Variants in SDK1 observed in about 807,000 individuals in gnomAD.
SDK1 encodes sidekick cell adhesion molecule 1, also known as protein sidekick-1.
Under a neutral mutation model 245.5 loss-of-function variants are expected in SDK1, and 157 were observed. That is an observed-to-expected ratio of 0.64 (90% CI 0.56 to 0.73). SDK1 has a LOEUF of 0.73. SDK1 is among the 30% of genes least tolerant of loss of function. SDK1 has a pLI of 0.00. For synonymous variants in SDK1, 1,647 were observed against 1,278.5 expected (o/e 1.29, Z -6.15); for missense variants, 3,583 against 3,002.3 (o/e 1.19, Z -4.52).
chr7:3,871,031 G>A (rs569229671), intron 5 of SDK1, among the ~76,000 whole-genome samples: 8 of 152,242 alleles, frequency 5.3e-5, no homozygotes, highest in Admixed American at 5.2e-4. Flanking sequence ...ACCAGTCCAC[G>A]AACATGCTGT....
At chr7:3,468,933 C>G (rs562481084) in intron 1 of SDK1, among the ~76,000 whole-genome samples, 1 of 152,304 alleles carries the variant, frequency 6.6e-6, no homozygotes, top group Non-Finnish European at 1.5e-5. Flanking sequence ...TTTCCCTTGA[C>G]TCCTACAACT....
intron 1 of SDK1, among the ~76,000 whole-genome samples, chr7:3,347,953 T>G (rs907667291): frequency 1.3e-5 from 2 of 152,114 alleles, no homozygotes; most frequent in African/African-American, 2.4e-5. Flanking sequence ...TCACTTTAAG[T>G]GTAAGTATTT....
intron 5 of SDK1, among the ~76,000 whole-genome samples, chr7:3,948,361 G>A (rs982508954): frequency 6.7e-6 from 1 of 149,270 alleles, no homozygotes; most frequent in African/African-American, 2.5e-5. Context: ...GGGTTCCAGC[G>A]ATTCTCCTGC....
intron 13 of SDK1, among the ~76,000 whole-genome samples, chr7:3,975,002 G>A (rs369557495): frequency 6.6e-6 from 1 of 152,018 alleles, no homozygotes; most frequent in Non-Finnish European, 1.5e-5. Flanking sequence ...CCCCTCCGTG[G>A]GTAAATAGAT....
chr7:3,524,409 C>T (rs1250773622), intron 1 of SDK1, among the ~76,000 whole-genome samples: 1 of 151,980 alleles, frequency 6.6e-6, no homozygotes, highest in Non-Finnish European at 1.5e-5. Flanking sequence ...ATGATCCAAA[C>T]AAAAGATAAT....
chr7:4,079,628 G>T (rs757484345), intron 22 of SDK1, 44 bp downstream of exon 22: 12 of 1,610,076 alleles, frequency 7.5e-6, no homozygotes, highest in Admixed American at 1.7e-5. Context: ...GCGAAGAGCA[G>T]TGTTGGGGCC....
chr7:4,054,441 T>G (rs749904632), intron 19 of SDK1, among the ~76,000 whole-genome samples: 1 of 152,214 alleles, frequency 6.6e-6, no homozygotes, highest in Non-Finnish European at 1.5e-5. Flanking sequence ...TTTTTTTCTC[T>G]TTTGTGCATA....
intron 4 of SDK1, among the ~76,000 whole-genome samples, chr7:3,777,685 C>G (rs1430053360): frequency 6.6e-6 from 1 of 152,178 alleles, no homozygotes; most frequent in East Asian, 1.9e-4. Flanking sequence ...TGACCACCAG[C>G]TTAAAACTTC....
chr7:3,953,957 G>A (rs527715566), intron 7 of SDK1, among the ~76,000 whole-genome samples: 2 of 152,106 alleles, frequency 1.3e-5, no homozygotes, highest in Non-Finnish European at 2.9e-5. Flanking sequence ...ATAATCCCAC[G>A]CCCTGTGGCC....
chr7:4,081,579 C>G (rs1402887322), intron 22 of SDK1, among the ~76,000 whole-genome samples: 2 of 152,038 alleles, frequency 1.3e-5, no homozygotes, highest in Non-Finnish European at 2.9e-5. Flanking sequence ...CGCCACCCAC[C>G]CAGCCAATTT....
At chr7:3,519,966 G>A (rs1782879802) in intron 1 of SDK1, among the ~76,000 whole-genome samples, 1 of 152,184 alleles carries the variant, frequency 6.6e-6, no homozygotes, top group East Asian at 1.9e-4. Context: ...GGGATTAGGA[G>A]TGATTTTATT....
At chr7:3,970,396 T>C (rs1165135460) in intron 11 of SDK1, among the ~76,000 whole-genome samples, 5 of 152,220 alleles carry the variant, frequency 3.3e-5, no homozygotes, top group Non-Finnish European at 7.3e-5. Context: ...CACTATTCTG[T>C]CAAGTACTAA....
intron 2 of SDK1, among the ~76,000 whole-genome samples, chr7:3,632,177 T>C (rs548165436): frequency 6.6e-6 from 1 of 152,330 alleles, no homozygotes; most frequent in South Asian, 2.1e-4. Context: ...AGAGAGCAAT[T>C]AATGCTCACA....
intron 17 of SDK1, among the ~76,000 whole-genome samples, chr7:4,048,024 T>C (rs1011104873): frequency 6.6e-6 from 1 of 152,154 alleles, no homozygotes; most frequent in African/African-American, 2.4e-5. Flanking sequence ...CAGAGGGTCC[T>C]CCTGCATGCC....
At chr7:3,770,235 T>C (rs914778636) in intron 4 of SDK1, among the ~76,000 whole-genome samples, 6 of 152,162 alleles carry the variant, frequency 3.9e-5, no homozygotes, top group African/African-American at 1.2e-4. Context: ...TTTGAGATTA[T>C]TTTTCCCTCT....
At position 3,857,192 on chromosome 7, in the gene SDK1, G is replaced by A. The variant is rs116837009; in HGVS notation, c.847+35609G>A. 8.7e-3 allele frequency among the ~76,000 whole-genome samples: 1,320 copies of A among 152,182 alleles called. 23 individuals are homozygous for A. The highest frequency in any genetic ancestry group is 0.029 in the African/African-American group (1,211 of 41,516). Reference sequence around the variant, plus strand: ...ACAACATACTGATAAATTATTAGAAGCATTAAGTTTGAAGTCTGAATCTGG... The same window carrying A: ...ACAACATACTGATAAATTATTAGAAACATTAAGTTTGAAGTCTGAATCTGG... On this transcript the variant is annotated intron_variant, in intron 5 of 44. Transcript: ENST00000404826.
chr7:4,033,634 G>T (rs899172358), intron 17 of SDK1, among the ~76,000 whole-genome samples: 13 of 152,084 alleles, frequency 8.5e-5, no homozygotes, highest in African/African-American at 3.1e-4. Context: ...AAGAAAATTA[G>T]AAGAAAAATG....
rs139818000 is a variant in SDK1 at position 4,127,384 on chromosome 7, C to G, written c.3827C>G (p.Pro1276Arg). ...VVRGRTRESV[P>R]SAAPENVSAE... is the part of the protein sequence containing the mutation. ...CTACTTCATTGGTTCTTTGCAGTTC[C>G]TTCAGCCGCCCCTGAGAACGTGTCA... Residue 1276 changes from proline to arginine, a missense_variant, in exon 26 of 45, where the codon CCT (proline) becomes CGT (arginine). Coordinates refer to ENST00000404826, the MANE Select transcript of SDK1 (RefSeq NM_152744.4). 3 of 1,613,664 alleles carry G rather than the reference C, an allele frequency of 1.9e-6. No individual in the cohort carries two copies. Among genetic ancestry groups the G allele is most frequent in the African/African-American group, 2.7e-5 (2 of 74,920 alleles).
intron 28 of SDK1, among the ~76,000 whole-genome samples, chr7:4,138,536 C>G (rs951997898): frequency 6.6e-6 from 1 of 152,040 alleles, no homozygotes; most frequent in African/African-American, 2.4e-5. Flanking sequence ...CACGTGAGGT[C>G]AGGAGTTCGA....
Sources: gnomAD v4.1 joint callset for allele counts (sites outside exome capture counted in the v4.1 genomes callset) on GRCh38, gnomAD v4.1.1 for gene constraint, MANE v1.5 for transcripts, NCBI Gene and HGNC (gene_info 2026-07-23, HGNC 2026-07-21) for gene names.